Variants in RHCE observed in about 807,000 individuals in gnomAD.
RHCE encodes the protein blood group Rh(CE) polypeptide.
A neutral mutation model predicts 43.8 loss-of-function variants in RHCE; 22 were observed. That is an observed-to-expected ratio of 0.50 (90% CI 0.36 to 0.72). The LOEUF (loss-of-function observed/expected upper bound fraction) is 0.72. Among genes scored for constraint, RHCE ranks in the 30% least tolerant of loss-of-function variants. The pLI is 0.00. For synonymous variants in RHCE, 156 were observed against 210.7 expected (o/e 0.74, Z 2.25); for missense variants, 385 against 525.4 (o/e 0.73, Z 2.61).
intron 4 of RHCE, 43 bp downstream of exon 4, chr1:25,391,951 G>C (rs1557619040): frequency 6.2e-7 from 1 of 1,612,270 alleles, no homozygotes. Flanking sequence ...GAGCCATTCT[G>C]CTCAGCCCAA....
At chr1:25,417,348 T>A (rs1259628503) in intron 1 of RHCE, among the ~76,000 whole-genome samples, 1 of 152,174 alleles carries the variant, frequency 6.6e-6, no homozygotes, top group African/African-American at 2.4e-5. Context: ...TACCTAAGTT[T>A]AACTCAACAA....
chr1:25,387,890 G>C (rs546585999), intron 6 of RHCE, among the ~76,000 whole-genome samples: 1 of 151,312 alleles, frequency 6.6e-6, no homozygotes, highest in Admixed American at 6.6e-5. Flanking sequence ...GCGCAATTTC[G>C]GCTCACTGCA....
chr1:25,386,589 C>T (rs946271812), intron 6 of RHCE, among the ~76,000 whole-genome samples: 8 of 152,070 alleles, frequency 5.3e-5, no homozygotes, highest in Non-Finnish European at 1.0e-4. Context: ...GGGAGGCCAA[C>T]GTGGGTGGAT....
rs555599937 is a variant in RHCE, at chr1:25,403,554, G to A, written c.336-808C>T. Among the ~76,000 whole-genome samples the A allele has an allele frequency of 1.4e-4, 22 of 151,734 alleles. No individual in the cohort carries two copies. In the South Asian group the frequency reaches 4.6e-3, roughly 32 times the overall value. On this transcript the variant is annotated intron_variant, in intron 2 of 9. Coordinates refer to ENST00000294413, the MANE Select transcript of RHCE (RefSeq NM_020485.8). ...CTTATGATCCAAAAAAAAAAAAAATGTACTTATGATCTAGACAGGCTACAT... is the reference window on the plus strand; with the variant it reads ...CTTATGATCCAAAAAAAAAAAAAATATACTTATGATCTAGACAGGCTACAT...
Position 25,372,303 on chromosome 1 carries a change from T to A in RHCE, c.1154-1763A>T, listed in dbSNP as rs182375434. Among the ~76,000 whole-genome samples, 92 of 151,638 alleles carry A rather than the reference T, an allele frequency of 6.1e-4. 2 individuals are homozygous for A. Among genetic ancestry groups the A allele is most frequent in the Middle Eastern group, 3.4e-3 (1 of 294 alleles). On this transcript the variant is annotated intron_variant, in intron 8 of 9. Transcript: ENST00000294413. ...GGGAGGCCAAGGTGGGCGGATCACC[T>A]GAGGTCAGGAGTTCGAGACCAGCAT...
chr1:25,405,034 CAAA>C (rs59693967), intron 2 of RHCE, among the ~76,000 whole-genome samples: 17 of 76,878 alleles, frequency 2.2e-4, no homozygotes, highest in Admixed American at 2.7e-4. Flanking sequence ...CTACAAAAAG[CAAA>C]AAAAAAAAAA....
Position 25,415,138 on chromosome 1 carries a change from C to T in RHCE, c.148+5501G>A, listed in dbSNP as rs28633797. On this transcript the variant is annotated intron_variant, in intron 1 of 9. Transcript: ENST00000294413. ...ATCATACATCTGCAGCCAGTCTTAA[C>T]TCCCCACTCTTTTCATCAAGTACAG... Among the ~76,000 whole-genome samples the T allele has an allele frequency of 2.6e-5, 4 of 151,646 alleles. No individual in the cohort carries two copies. The East Asian group carries it at 7.7e-4, about 29-fold the overall frequency.
At position 25,376,316 on chromosome 1, in the gene RHCE, C is replaced by T. The variant is rs556486431; in HGVS notation, c.1074-888G>A. ...TGAATGTGATTGTCCCAGGGTTCAG[C>T]ATGCACCTGGGCACTGCCAGCCCGT... On this transcript the variant is annotated intron_variant, in intron 7 of 9. Coordinates refer to ENST00000294413, the MANE Select transcript of RHCE (RefSeq NM_020485.8). Among the ~76,000 whole-genome samples, 10 of 152,352 alleles carry T rather than the reference C, an allele frequency of 6.6e-5. No homozygotes were observed. The South Asian group carries it at 2.1e-3, about 32-fold the overall frequency.
At chr1:25,409,470 C>G (rs2124504150) in intron 1 of RHCE, among the ~76,000 whole-genome samples, 1 of 124,652 alleles carries the variant, frequency 8.0e-6, no homozygotes, top group African/African-American at 2.5e-5. Flanking sequence ...CTGGGTAGCC[C>G]TCACCTTTCC....
upstream of RHCE, among the ~76,000 whole-genome samples, chr1:25,424,990 T>C (rs2042794426): frequency 6.6e-6 from 1 of 152,204 alleles, no homozygotes; most frequent in South Asian, 2.1e-4. Flanking sequence ...CTAATTTTTG[T>C]ATTTTTAGTA....
intron 3 of RHCE, among the ~76,000 whole-genome samples, chr1:25,401,879 C>CT (rs1206506566): frequency 2.2e-4 from 32 of 147,540 alleles, no homozygotes; most frequent in Admixed American, 4.7e-4. Flanking sequence ...TTTCTTTTTT[C>CT]TTTTTTTTTT....
chr1:25,391,912 G>A, intron 4 of RHCE, 82 bp downstream of exon 4: 10 of 1,598,570 alleles, frequency 6.3e-6, no homozygotes, highest in Non-Finnish European at 8.6e-6. Flanking sequence ...TGGTAAAGGA[G>A]GGAGATTTTT....
chr1:25,422,770 C>T (rs1038696750), upstream of RHCE, among the ~76,000 whole-genome samples: 2 of 152,146 alleles, frequency 1.3e-5, no homozygotes, highest in Non-Finnish European at 2.9e-5. Context: ...ACAATTTTTC[C>T]ATGGACCGGG....
chr1:25,391,674 C>G (rs1242218781), intron 4 of RHCE, among the ~76,000 whole-genome samples: 1 of 152,140 alleles, frequency 6.6e-6, no homozygotes, highest in African/African-American at 2.4e-5. Flanking sequence ...CTTGTTCCTT[C>G]ACTCCTGGGC....
chr1:25,381,050 C>T (rs1195839395), intron 7 of RHCE, among the ~76,000 whole-genome samples: 5 of 151,938 alleles, frequency 3.3e-5, no homozygotes, highest in African/African-American at 1.2e-4. Context: ...TACAGGCGCC[C>T]ACCACCACGC....
chr1:25,406,695 G>A (rs1197706176), intron 2 of RHCE, among the ~76,000 whole-genome samples: 5 of 113,564 alleles, frequency 4.4e-5, no homozygotes, highest in African/African-American at 1.1e-4. Flanking sequence ...GCACGATCTC[G>A]GCTCACTGCA....
At position 25,370,512 on chromosome 1, in the gene RHCE, T is replaced by C; in HGVS notation, c.1182A>G (p.Lys394=). ...TGLLLNLKIW[K]APHVAKYFDD... ...CAAAATATTTAGCCACATGAGGTGC[T>C]TTCCATATTTTGAGATTTAGGAGCA... The change falls in exon 9 of 10, where the codon AAA becomes AAG. Residue 394 remains lysine (K), a synonymous_variant. Transcript: ENST00000294413. 1 of 1,612,652 alleles carries C rather than the reference T, an allele frequency of 6.2e-7. No individual in the cohort carries two copies. The highest frequency in any genetic ancestry group is 8.5e-7 in the Non-Finnish European group (1 of 1,179,322).
chr1:25,379,489 ATATATAT>A (rs1416362288), intron 7 of RHCE, among the ~76,000 whole-genome samples: 1 of 19,696 alleles, frequency 5.1e-5, no homozygotes. Flanking sequence ...ATATATATAT[ATATATAT>A]TTTTTTTTTT....
At chr1:25,425,877 C>A (rs150394692) in intron 2 of RHCE, among the ~76,000 whole-genome samples, 25 of 152,330 alleles carry the variant, frequency 1.6e-4, no homozygotes, top group Non-Finnish European at 8.8e-5. Flanking sequence ...AAGGGTGTGA[C>A]CTTGCTCTGG....
Sources: allele counts gnomAD v4.1 joint callset (sites outside exome capture counted in the v4.1 genomes callset), GRCh38; gene constraint gnomAD v4.1.1; transcripts MANE v1.5; gene names NCBI Gene and HGNC (gene_info 2026-07-23, HGNC 2026-07-21).